The following CSMD1 variants were observed in gnomAD, a reference collection of about 807,000 sequenced individuals.
CSMD1 encodes the protein CUB and Sushi multiple domains 1.
In CSMD1, 213 loss-of-function variants were observed where a neutral mutation model predicts 417.5. The observed-to-expected ratio is 0.51, with a 90% CI of 0.46 to 0.57. The LOEUF (loss-of-function observed/expected upper bound fraction) is 0.57. Ranked by LOEUF, CSMD1 falls within the 20% of genes least tolerant of loss-of-function variation. CSMD1 has a pLI of 0.00. For missense variants in CSMD1, 6,923 were observed against 4,529.7 expected, an observed-to-expected ratio of 1.53 and a Z score of -15.17; for synonymous variants, 2,862 against 1,736.8, an observed-to-expected ratio of 1.65 and a Z score of -16.11.
At chr8:4,754,076 A>G (rs539678973) in intron 1 of CSMD1, among the ~76,000 whole-genome samples, 1 of 152,314 alleles carries the variant, frequency 6.6e-6, no homozygotes, top group South Asian at 2.1e-4. Flanking sequence ...GTTGCTCACC[A>G]TATTTAGAAA....
intron 1 of CSMD1, among the ~76,000 whole-genome samples, chr8:4,792,724 A>T (rs1039415768): frequency 1.3e-5 from 2 of 152,196 alleles, no homozygotes; most frequent in Non-Finnish European, 2.9e-5. Flanking sequence ...GCTGCCAAGA[A>T]GCTGCATTCA....
intron 30 of CSMD1, among the ~76,000 whole-genome samples, 159 bp downstream of exon 30, chr8:3,214,338 G>A (rs957212272): frequency 6.6e-6 from 1 of 152,180 alleles, no homozygotes; most frequent in East Asian, 1.9e-4. Context: ...TGCATTAAAT[G>A]ATCAATGAAT....
chr8:4,040,800 A>C (rs886082832), intron 3 of CSMD1, among the ~76,000 whole-genome samples: 1 of 152,206 alleles, frequency 6.6e-6, no homozygotes, highest in African/African-American at 2.4e-5. Flanking sequence ...GATTTTCAAA[A>C]GATTTTTAAT....
chr8:3,575,723 TAAA>T (rs68137238), intron 9 of CSMD1, among the ~76,000 whole-genome samples: 139 of 151,644 alleles, frequency 9.2e-4, no homozygotes, highest in Non-Finnish European at 1.7e-3. Context: ...ACTTTAAAAA[TAAA>T]AAAAATCTTA....
In CSMD1 at chr8:4,235,346, A is replaced by G. The variant is rs910297747; in HGVS notation, c.415+184607T>C. On this transcript the variant is annotated intron_variant, in intron 3 of 69. Coordinates refer to ENST00000635120, the MANE Select transcript of CSMD1 (RefSeq NM_033225.6). Reference sequence around the variant, plus strand: ...ATATAGCCATTCATACTCATTAATCAAAAGACGTGTTTTGTTTTTTTTTTG... The same window carrying G: ...ATATAGCCATTCATACTCATTAATCGAAAGACGTGTTTTGTTTTTTTTTTG... Among the ~76,000 whole-genome samples the G allele has an allele frequency of 1.8e-4, 27 of 148,082 alleles. No homozygotes were observed. In the Middle Eastern group the frequency reaches 0.017, roughly 95 times the overall value.
Position 3,188,993 on chromosome 8 carries a change from A to G in CSMD1, c.5417T>C (p.Phe1806Ser), listed in dbSNP as rs773885538. 8.1e-6 allele frequency: 13 copies of G among 1,613,340 alleles called. No individual in the cohort carries two copies. The highest frequency in any genetic ancestry group is 1.1e-5 in the Non-Finnish European group (13 of 1,179,546). Residue 1806 changes from phenylalanine to serine, a missense_variant, in exon 35 of 70, where the codon TTC (phenylalanine) becomes TCC (serine). Transcript: ENST00000635120. ...CAGGATTGTACCTCTTCGTTGAGTG[A>G]AATTGCCACTGCAGGGTACTAAAAG... is the stretch of plus-strand genomic sequence containing the variant. ...PSCVVPCSGN[F>S]TQRRGTILSP...
In CSMD1 at chr8:3,859,239, G is replaced by A. The variant is rs563148211; in HGVS notation, c.819-105197C>T. ...AAAGCCACCATTCAACTTCTCAAGT[G>A]AACGCCATTCAATCCCACTCACTGG... On this transcript the variant is annotated intron_variant, in intron 5 of 69. Coordinates refer to ENST00000635120, the MANE Select transcript of CSMD1 (RefSeq NM_033225.6). 1.1e-4 allele frequency among the ~76,000 whole-genome samples: 16 copies of A among 152,324 alleles called. No homozygotes were observed. The South Asian group carries it at 2.7e-3, about 26-fold the overall frequency.
At chr8:4,862,791 G>A (rs955600445) in intron 1 of CSMD1, among the ~76,000 whole-genome samples, 3 of 152,052 alleles carry the variant, frequency 2.0e-5, no homozygotes, top group African/African-American at 7.3e-5. Context: ...GAAATCCGGT[G>A]ACAGCCTAAA....
chr8:3,666,618 G>C (rs781617596), intron 7 of CSMD1, among the ~76,000 whole-genome samples: 1 of 152,042 alleles, frequency 6.6e-6, no homozygotes, highest in African/African-American at 2.4e-5. Context: ...GTTGTGAGAG[G>C]GACCCAGAGG....
chr8:3,351,847 T>C (rs1442362787), intron 21 of CSMD1, among the ~76,000 whole-genome samples: 5 of 151,382 alleles, frequency 3.3e-5, no homozygotes, highest in Non-Finnish European at 1.5e-5. Context: ...CCTATATTTT[T>C]CAAAGATTTT....
intron 2 of CSMD1, among the ~76,000 whole-genome samples, chr8:4,468,326 G>GC (rs528476684): frequency 5.5e-4 from 80 of 146,272 alleles, no homozygotes; most frequent in African/African-American, 1.8e-3. Context: ...CTGGGCGATA[G>GC]GCCTTTTTAA....
intron 2 of CSMD1, among the ~76,000 whole-genome samples, chr8:4,482,620 AT>A (rs1427657590): frequency 6.6e-6 from 1 of 152,106 alleles, no homozygotes; most frequent in Non-Finnish European, 1.5e-5. Context: ...CAGTAATGGG[AT>A]TGCTGGATTG....
At chr8:3,472,070 C>G (rs976356874) in intron 11 of CSMD1, among the ~76,000 whole-genome samples, 1 of 152,108 alleles carries the variant, frequency 6.6e-6, no homozygotes, top group Non-Finnish European at 1.5e-5. Context: ...TGTCCATCAT[C>G]GTCCTCTCCC....
chr8:3,744,592 CTG>C (rs1409345856), intron 6 of CSMD1, among the ~76,000 whole-genome samples: 12 of 152,296 alleles, frequency 7.9e-5, no homozygotes, highest in East Asian at 7.7e-4. Context: ...ATGTGGATGA[CTG>C]TGGTGGACAG....
chr8:4,893,567 C>A (rs1268404873), intron 1 of CSMD1, among the ~76,000 whole-genome samples: 2 of 152,080 alleles, frequency 1.3e-5, no homozygotes, highest in African/African-American at 2.4e-5. Flanking sequence ...GATGACAATT[C>A]TTTTGTAAAT....
chr8:3,274,587 A>C (rs900672533), intron 26 of CSMD1, among the ~76,000 whole-genome samples: 4 of 151,982 alleles, frequency 2.6e-5, no homozygotes, highest in Admixed American at 2.6e-4. Context: ...GTCACTCAGG[A>C]CTTGCTTTAT....
At chr8:4,302,661 A>G (rs1798040639) in intron 3 of CSMD1, among the ~76,000 whole-genome samples, 1 of 152,178 alleles carries the variant, frequency 6.6e-6, no homozygotes, top group Non-Finnish European at 1.5e-5. Flanking sequence ...TAGCTGATTA[A>G]TGTTCAAAAG....
At chr8:4,383,308 G>C (rs1007119972) in intron 3 of CSMD1, among the ~76,000 whole-genome samples, 14 of 152,260 alleles carry the variant, frequency 9.2e-5, no homozygotes, top group African/African-American at 2.9e-4. Context: ...TTAGGCGGTG[G>C]GCATGGGGGG....
chr8:3,512,600 CTTT>C (rs760320227), intron 10 of CSMD1, among the ~76,000 whole-genome samples: 4 of 127,674 alleles, frequency 3.1e-5, no homozygotes, highest in Admixed American at 1.6e-4. Context: ...TAATTTTTTT[CTTT>C]TTTTTTTTTT....
Sources: allele counts gnomAD v4.1 joint callset (sites outside exome capture counted in the v4.1 genomes callset), GRCh38; gene constraint gnomAD v4.1.1; transcripts MANE v1.5; gene names NCBI Gene and HGNC (gene_info 2026-07-23, HGNC 2026-07-21).